ATP6V0E1: variants seen among roughly 807,000 people sequenced by gnomAD.
ATP6V0E1 encodes the protein V-type proton ATPase subunit e 1.
In ATP6V0E1, 4 loss-of-function variants were observed where a neutral mutation model predicts 11.6. The observed-to-expected ratio is 0.35, with a 90% CI of 0.17 to 0.79. The LOEUF (loss-of-function observed/expected upper bound fraction) is 0.79. Ranked by LOEUF, ATP6V0E1 falls within the 30% of genes least tolerant of loss-of-function variation. ATP6V0E1 has a pLI of 0.54. For missense variants in ATP6V0E1, 105 were observed against 100.0 expected, an observed-to-expected ratio of 1.05 and a Z score of -0.21; for synonymous variants, 36 against 34.8, an observed-to-expected ratio of 1.04 and a Z score of -0.13.
intron 2 of ATP6V0E1, among the ~76,000 whole-genome samples, chr5:173,007,954 T>C (rs1212912152): frequency 6.6e-6 from 1 of 152,152 alleles, no homozygotes; most frequent in Non-Finnish European, 1.5e-5. Context: ...TTGCTTAACA[T>C]GTGGAGAGGG....
At position 173,034,707 on chromosome 5, in the gene ATP6V0E1, C is replaced by T. The variant is rs1238978420; in HGVS notation, c.*345C>T. On this transcript the variant is annotated 3_prime_UTR_variant, in exon 4 of 4. Transcript: ENST00000519374. The stretch of plus-strand genomic sequence containing the variant: ...TTTGAAGATGGCTCCTGCCTTCTCA[C>T]GTGGGAATCAGTGAAGTGTTTAGAA... The T allele has an allele frequency of 1.5e-5, 7 of 453,434 alleles. No homozygotes were observed. The highest frequency in any genetic ancestry group is 5.7e-4 in the Middle Eastern group (1 of 1,760). 28.1% of individuals were successfully genotyped at this position (453,434 alleles called of 1,614,324 possible). A position where few individuals can be genotyped will look rare whatever the true frequency, so the allele number is the denominator to read the frequency against.
chr5:172,992,140 T>C (rs1277331985), intron 1 of ATP6V0E1, among the ~76,000 whole-genome samples: 21 of 149,568 alleles, frequency 1.4e-4, no homozygotes, highest in South Asian at 4.3e-4. Context: ...AAGCTCCGCC[T>C]CCCGGGTTCA....
intron 2 of ATP6V0E1, among the ~76,000 whole-genome samples, chr5:173,018,388 G>C (rs780270547): frequency 6.6e-6 from 1 of 152,154 alleles, no homozygotes; most frequent in African/African-American, 2.4e-5. Context: ...TGGTCCTGCT[G>C]TCTCAGGTGT....
chr5:172,998,841 T>C (rs1410464056), intron 2 of ATP6V0E1, among the ~76,000 whole-genome samples: 1 of 151,898 alleles, frequency 6.6e-6, no homozygotes, highest in Non-Finnish European at 1.5e-5. Flanking sequence ...GGTGGTACCT[T>C]ATAAAAGGGA....
intron 2 of ATP6V0E1, among the ~76,000 whole-genome samples, chr5:172,999,278 GAAAAC>G (rs1267062097): frequency 2.0e-5 from 3 of 151,606 alleles, no homozygotes; most frequent in Non-Finnish European, 4.4e-5. Context: ...TAAAACAAAA[GAAAAC>G]AAAAACGTTT....
At chr5:172,998,595 G>A (rs997149069) in intron 2 of ATP6V0E1, among the ~76,000 whole-genome samples, 10 of 142,640 alleles carry the variant, frequency 7.0e-5, no homozygotes, top group African/African-American at 2.4e-4. Flanking sequence ...AGGCATCAGA[G>A]TGAGACTCCA....
chr5:172,999,140 A>G (rs1171270610), intron 2 of ATP6V0E1, among the ~76,000 whole-genome samples: 1 of 152,196 alleles, frequency 6.6e-6, no homozygotes, highest in Admixed American at 6.5e-5. Flanking sequence ...CAGGAGGGAA[A>G]AAAAAGGGGG....
chr5:173,031,018 C>T (rs1033734220), intron 3 of ATP6V0E1, among the ~76,000 whole-genome samples: 4 of 151,980 alleles, frequency 2.6e-5, no homozygotes, highest in Non-Finnish European at 4.4e-5. Context: ...GATCTCCGCT[C>T]ACCGCAATCT....
chr5:173,000,300 C>G (rs1320549974), intron 2 of ATP6V0E1, among the ~76,000 whole-genome samples: 1 of 152,122 alleles, frequency 6.6e-6, no homozygotes, highest in Non-Finnish European at 1.5e-5. Flanking sequence ...ATATCTGGTT[C>G]CCTCTTTAAG....
intron 2 of ATP6V0E1, among the ~76,000 whole-genome samples, chr5:172,995,092 G>A (rs943188586): frequency 1.3e-5 from 2 of 152,070 alleles, no homozygotes; most frequent in East Asian, 1.9e-4. Flanking sequence ...TTTTACTATG[G>A]TGAAGTATTT....
At chr5:173,004,645 T>A (rs540132273) in intron 2 of ATP6V0E1, among the ~76,000 whole-genome samples, 1 of 152,248 alleles carries the variant, frequency 6.6e-6, no homozygotes, top group Non-Finnish European at 1.5e-5. Flanking sequence ...CTGGGAGGTT[T>A]CAAATGCCGG....
At chr5:173,000,732 A>C (rs567479920) in intron 2 of ATP6V0E1, among the ~76,000 whole-genome samples, 10 of 146,266 alleles carry the variant, frequency 6.8e-5, no homozygotes, top group Admixed American at 2.1e-4. Context: ...ATAGAGTCTC[A>C]CTCTGTCGAC....
At chr5:172,990,507 AT>A (rs1755963159) in intron 1 of ATP6V0E1, among the ~76,000 whole-genome samples, 2 of 151,850 alleles carry the variant, frequency 1.3e-5, no homozygotes, top group African/African-American at 4.8e-5. Flanking sequence ...TTTTATTTTT[AT>A]TTTTTGATTA....
At chr5:172,994,049 A>G (rs554912023) in intron 1 of ATP6V0E1, among the ~76,000 whole-genome samples, 14 of 152,234 alleles carry the variant, frequency 9.2e-5, no homozygotes, top group African/African-American at 3.4e-4. Context: ...AAAAGTTTGA[A>G]TCTGCCAGCA....
chr5:172,992,113 C>T (rs503452), intron 1 of ATP6V0E1, among the ~76,000 whole-genome samples: 2 of 151,240 alleles, frequency 1.3e-5, no homozygotes, highest in South Asian at 2.1e-4. Context: ...TGCAGTGGCG[C>T]GATCTCGGCT....
chr5:173,021,841 G>A (rs1280844514), intron 3 of ATP6V0E1, among the ~76,000 whole-genome samples: 1 of 152,194 alleles, frequency 6.6e-6, no homozygotes, highest in Non-Finnish European at 1.5e-5. Flanking sequence ...GAGGTCACGA[G>A]ATCGAGACCA....
chr5:173,030,454 T>G (rs1357345964), intron 3 of ATP6V0E1, among the ~76,000 whole-genome samples: 1 of 150,866 alleles, frequency 6.6e-6, no homozygotes, highest in Non-Finnish European at 1.5e-5. Flanking sequence ...TTTTTTTTTT[T>G]TTTTGAAACA....
chr5:173,008,055 C>G (rs948150971), intron 2 of ATP6V0E1, among the ~76,000 whole-genome samples: 2 of 152,172 alleles, frequency 1.3e-5, no homozygotes, highest in Admixed American at 6.5e-5. Flanking sequence ...GAGGTTCTCA[C>G]ACCCACTCCG....
In ATP6V0E1 at chr5:172,983,841, T is replaced by A; in HGVS notation, c.-20T>A. 1.9e-6 allele frequency: 3 copies of A among 1,611,344 alleles called. No individual in the cohort carries two copies. Among genetic ancestry groups the A allele is most frequent in the Non-Finnish European group, 2.5e-6 (3 of 1,177,950 alleles). ...TCCGAGTGAGGCGACGGGGTAGGGG[T>A]TGGCGCTCAGGCGGCGACCATGGCG... On this transcript the variant is annotated 5_prime_UTR_variant, in exon 1 of 4. The change creates a new upstream start codon in the 5' untranslated region. Coordinates refer to ENST00000519374, the MANE Select transcript of ATP6V0E1 (RefSeq NM_003945.4).
Sources: gnomAD v4.1 joint callset for allele counts (sites outside exome capture counted in the v4.1 genomes callset) on GRCh38, gnomAD v4.1.1 for gene constraint, MANE v1.5 for transcripts, NCBI Gene and HGNC (gene_info 2026-07-23, HGNC 2026-07-21) for gene names.